The following TYK2 variants were observed in gnomAD, a reference collection of about 807,000 sequenced individuals.
The protein encoded by TYK2 is non-receptor tyrosine-protein kinase TYK2.
A neutral mutation model predicts 130.9 loss-of-function variants in TYK2; 65 were observed. The observed-to-expected ratio is 0.50, with a 90% CI of 0.41 to 0.61. TYK2 has a LOEUF of 0.61. Among genes scored for constraint, TYK2 ranks in the 20% least tolerant of loss-of-function variants. The pLI is 0.00. For missense variants in TYK2, 1,378 were observed against 1,610.7 expected (o/e 0.86, Z 2.47); for synonymous variants, 647 against 658.9 (o/e 0.98, Z 0.28).
In TYK2 at chr19:10,354,443, A is replaced by G. The variant is rs892053893; in HGVS notation, c.2715+69T>C. ...CTCCTGAGAATCACCTTAGGTAGGA[A>G]TTTATCCTCAACCCCCAAACTCCTT... is the stretch of plus-strand genomic sequence containing the variant. On this transcript the variant is annotated intron_variant, in intron 19 of 24. Transcript: ENST00000525621. The G allele has an allele frequency of 3.0e-5, 45 of 1,499,930 alleles. 1 individual carries two copies. Among genetic ancestry groups the G allele is most frequent in the South Asian group, 6.8e-5 (6 of 88,742 alleles). The allele number at this position is 1,499,930 out of a possible 1,614,324, so 92.9% of individuals were successfully genotyped here. A position where few individuals can be genotyped will look rare whatever the true frequency, so the allele number is the denominator to read the frequency against.
At chr19:10,369,067 C>A (rs534094443) in intron 3 of TYK2, among the ~76,000 whole-genome samples, 1 of 152,134 alleles carries the variant, frequency 6.6e-6, no homozygotes, top group Admixed American at 6.6e-5. Flanking sequence ...CCTTGGCCCC[C>A]CAAAGTGCTG....
At chr19:10,377,566 G>A (rs1427699539) in intron 3 of TYK2, among the ~76,000 whole-genome samples, 1 of 123,680 alleles carries the variant, frequency 8.1e-6, no homozygotes, top group Admixed American at 8.3e-5. Context: ...GTGGATGGAT[G>A]GGTGGGTGGG....
intron 3 of TYK2, among the ~76,000 whole-genome samples, chr19:10,375,076 GA>G (rs1275572430): frequency 6.6e-6 from 1 of 151,612 alleles, no homozygotes; most frequent in Non-Finnish European, 1.5e-5. Flanking sequence ...ACTGAGGCAG[GA>G]AAATCACTTG....
At position 10,365,533 on chromosome 19, in the gene TYK2, T is replaced by G; in HGVS notation, c.995A>C (p.Glu332Ala). 6.2e-7 allele frequency: 1 copy of G among 1,613,836 alleles called. No homozygotes were observed. Among genetic ancestry groups the G allele is most frequent in the South Asian group, 1.1e-5 (1 of 91,064 alleles). ...GGIQWWPVEEEVNKEEGSSGS... is the reference protein window; with the variant it reads ...GGIQWWPVEEAVNKEEGSSGS... ...CTTGCTCACCTCCTCCTTGTTCACC[T>G]CCTCCTCTACTGGCCACCACTGGAT... Residue 332 changes from glutamate (E) to alanine (A), a missense_variant, in exon 7 of 25, where the codon GAG becomes GCG. Physicochemically the swap from Glu to Ala is moderately radical, Grantham distance 107. Transcript: ENST00000525621.
At position 10,367,150 on chromosome 19, in the gene TYK2, G is replaced by A. The variant is rs559930513; in HGVS notation, c.466-570C>T. Among the ~76,000 whole-genome samples the A allele has an allele frequency of 1.3e-4, 20 of 152,266 alleles. 1 individual carries two copies. The highest frequency in any genetic ancestry group is 3.6e-4 in the African/African-American group (15 of 41,550). ...GTCCTGGGCAGCATGCAGTCCGCAG[G>A]CCAGGGGTTGGACAAGCTTACTCTA... On this transcript the variant is annotated intron_variant, in intron 5 of 24. Transcript: ENST00000525621.
Position 10,350,898 on chromosome 19 carries a change from G to C in TYK2, c.3500C>G (p.Pro1167Arg). ...SFRPTFENLIPILKTVHEKYQ... is the reference protein window; with the variant it reads ...SFRPTFENLIRILKTVHEKYQ... ...CTTCTCATGGACTGTCTTCAGAATG[G>C]GTATGAGGTTCTCGAAGGTTGGGCG... is the stretch of plus-strand genomic sequence containing the variant. The change falls in exon 25 of 25, where the codon CCC becomes CGC. Residue 1167 changes from proline to arginine, a missense_variant. Pro to Arg is a moderately radical substitution (Grantham distance 103). Transcript: ENST00000525621. The C allele has an allele frequency of 1.9e-6, 3 of 1,614,160 alleles. No individual in the cohort carries two copies. Among genetic ancestry groups the C allele is most frequent in the Non-Finnish European group, 2.5e-6 (3 of 1,180,040 alleles).
chr19:10,374,617 G>T (rs1488761566), intron 3 of TYK2, among the ~76,000 whole-genome samples: 1 of 150,066 alleles, frequency 6.7e-6, no homozygotes, highest in Non-Finnish European at 1.5e-5. Flanking sequence ...GCCGGGCACG[G>T]TGGCTCACAC....
chr19:10,368,273 C>G, intron 4 of TYK2, 22 bp downstream of exon 4: 1 of 1,614,168 alleles, frequency 6.2e-7, no homozygotes, highest in Non-Finnish European at 8.5e-7. Flanking sequence ...AGGGGACGAG[C>G]TTTGCAAAGG....
intron 23 of TYK2, among the ~76,000 whole-genome samples, chr19:10,351,928 C>T (rs1037390334): frequency 4.6e-5 from 7 of 150,772 alleles, no homozygotes; most frequent in Admixed American, 3.3e-4. Context: ...TTAGTAGAGA[C>T]GGGGTTTCAC....
rs372469828 is a variant in TYK2 at position 10,366,383 on chromosome 19, G to T, written c.629+34C>A. On this transcript the variant is annotated intron_variant, in intron 6 of 24. Transcript: ENST00000525621. ...CCAGATGCTCAGGACATTTCCCCCT[G>T]CCTACACAGCGTCCCCACCCCATTC... The T allele has an allele frequency of 2.5e-6, 4 of 1,601,556 alleles. No individual in the cohort carries two copies. The African/African-American group carries it at 5.4e-5, about 21-fold the overall frequency.
chr19:10,366,308 G>GAA (rs1310326387), intron 6 of TYK2, 109 bp downstream of exon 6: 1,110 of 973,478 alleles, frequency 1.1e-3, no homozygotes, highest in African/African-American at 1.3e-3. Context: ...CTCCGGCTCA[G>GAA]AAAAAAAAAA....
chr19:10,367,919 CAA>C (rs34301809), intron 5 of TYK2, 134 bp downstream of exon 5: 34,653 of 847,552 alleles, frequency 0.041, no homozygotes, highest in Middle Eastern at 0.059. Flanking sequence ...GACTCCGTCT[CAA>C]AAAAAAAAAA....
At chr19:10,371,900 G>T (rs577371397) in intron 3 of TYK2, among the ~76,000 whole-genome samples, 1 of 152,222 alleles carries the variant, frequency 6.6e-6, no homozygotes, top group Admixed American at 6.5e-5. Context: ...ATTCTCATAA[G>T]TGTCCCTGGG....
intron 3 of TYK2, chr19:10,368,872 GATC>G (rs1255613521): frequency 5.0e-6 from 1 of 199,574 alleles, no homozygotes; most frequent in Non-Finnish European, 1.0e-5. Context: ...GCAGTGACAC[GATC>G]TTGGCTCGCT....
At chr19:10,357,943 C>T (rs1047534469) in intron 16 of TYK2, 25 bp from the exon 17 acceptor site, 1 of 1,613,502 alleles carries the variant, frequency 6.2e-7, no homozygotes, top group Non-Finnish European at 8.5e-7. Context: ...TCAGAGGTCA[C>T]CAAGGGTGAA....
Position 10,365,897 on chromosome 19 carries a change from A to G in TYK2, c.631T>C (p.Phe211Leu). 1 of 1,605,992 alleles carries G rather than the reference A, an allele frequency of 6.2e-7. No homozygotes were observed. Among genetic ancestry groups the G allele is most frequent in the Non-Finnish European group, 8.5e-7 (1 of 1,176,112 alleles). Residue 211 changes from phenylalanine to leucine, a missense_variant and splice_region_variant, in exon 7 of 25, where the codon TTC becomes CTC. Phe to Leu is a conservative substitution (Grantham distance 22). Transcript: ENST00000525621. Reference protein sequence around the residue: ...PLEEVAKKTSFKDCIPRSFRR... With the variant: ...PLEEVAKKTSLKDCIPRSFRR... ...AAGGAGCGCGGGATGCAGTCCTTGA[A>G]GCTGGGGGGAAACACAGTGAGGGGC...
Position 10,353,149 on chromosome 19 carries a change from G to A in TYK2, c.3028-51C>T. 1 of 1,434,084 alleles carries A rather than the reference G, an allele frequency of 7.0e-7. No homozygotes were observed. 88.8% of individuals were successfully genotyped at this position (1,434,084 alleles called of 1,614,324 possible). Reference sequence around the variant, plus strand: ...TTTCAGTGGGGCGGGGTTCGGCCGGGGGCGGCGGCAGGACCTGAGCAGCCA... The same window carrying A: ...TTTCAGTGGGGCGGGGTTCGGCCGGAGGCGGCGGCAGGACCTGAGCAGCCA... On this transcript the variant is annotated intron_variant, in intron 21 of 24. Coordinates refer to ENST00000525621, the MANE Select transcript of TYK2 (RefSeq NM_003331.5). The surrounding 1 kb of genome is among the most constrained non-coding windows in gnomAD (Gnocchi z 6.9).
At chr19:10,366,352 T>A in intron 6 of TYK2, 65 bp downstream of exon 6, 1 of 1,536,306 alleles carries the variant, frequency 6.5e-7, no homozygotes, top group Non-Finnish European at 8.8e-7. Flanking sequence ...AAGTCTACCC[T>A]GGCTCCCAGA....
At chr19:10,360,105 C>A in intron 14 of TYK2, among the ~76,000 whole-genome samples, 1 of 151,930 alleles carries the variant, frequency 6.6e-6, no homozygotes, top group East Asian at 1.9e-4. Flanking sequence ...TTGCTTGAAC[C>A]CGGGAGGCGG....
Sources: gnomAD v4.1 joint callset for allele counts (sites outside exome capture counted in the v4.1 genomes callset) on GRCh38, gnomAD v4.1.1 for gene constraint, Gnocchi (gnomAD v3.1) non-coding constraint, MANE v1.5 for transcripts, NCBI Gene and HGNC (gene_info 2026-07-23, HGNC 2026-07-21) for gene names.